The following RGN variants were observed in gnomAD, a reference collection of about 807,000 sequenced individuals.
The protein encoded by RGN is regucalcin, also known as epididymis secretory protein Li 41.
Under a neutral mutation model 20.6 loss-of-function variants are expected in RGN, and 19 were observed. That is an observed-to-expected ratio of 0.92 (90% CI 0.64 to 1.35). The LOEUF is 1.35. RGN is among the 40% of genes most tolerant of loss of function. The probability of loss-of-function intolerance (pLI) is 0.00; values close to 1 mark genes in which losing one functional copy is unlikely to be tolerated. For missense variants in RGN, 302 were observed against 232.7 expected, an observed-to-expected ratio of 1.30 and a Z score of -1.94; for synonymous variants, 85 against 87.2, an observed-to-expected ratio of 0.97 and a Z score of 0.14.
At chrX:47,079,086 A>G (rs1432912342) in intron 1 of RGN, among the ~76,000 whole-genome samples, 1 of 106,377 alleles carries the variant, frequency 9.4e-6, no homozygotes, top group African/African-American at 3.5e-5. Flanking sequence ...CAGCCTTCCT[A>G]GTAGCTAGGA....
chrX:47,085,885 A>G (rs1488976164), intron 4 of RGN, among the ~76,000 whole-genome samples: 2 of 111,958 alleles, frequency 1.8e-5, no homozygotes, highest in South Asian at 3.7e-4. Flanking sequence ...ATATTCTTAC[A>G]TGACCACAGT....
chrX:47,091,954 C>T, intron 6 of RGN, 107 bp from the exon 7 acceptor site: 4 of 958,554 alleles, frequency 4.2e-6, no homozygotes, highest in Non-Finnish European at 5.7e-6. Flanking sequence ...ATATTAAATG[C>T]ACAGATGAAT....
chrX:47,079,074 C>T (rs1304300999), intron 1 of RGN, among the ~76,000 whole-genome samples: 3 of 107,153 alleles, frequency 2.8e-5, no homozygotes, highest in Non-Finnish European at 5.8e-5. Flanking sequence ...ATTCTCCGGC[C>T]TCAGCCTTCC....
intron 1 of RGN, among the ~76,000 whole-genome samples, chrX:47,080,002 G>A (rs1178132947): frequency 9.0e-6 from 1 of 111,155 alleles, no homozygotes; most frequent in African/African-American, 3.3e-5. Context: ...TCCCACCTCA[G>A]GCTCCCGAGT....
chrX:47,089,648 C>T, intron 4 of RGN, 128 bp from the exon 5 acceptor site: 1 of 324,784 alleles, frequency 3.1e-6, no homozygotes, highest in Non-Finnish European at 5.2e-6. Context: ...TATATATGGC[C>T]CAGATTGGAA....
In RGN at chrX:47,085,217, AG is replaced by A. The variant is rs1282577097; in HGVS notation, c.346+618del. Reference sequence around the variant, plus strand: ...ATCAGAAATATTTTCAAATTTACAGAGAAAAATAAGAATAGTACAGGCCAGG... The same window carrying A: ...ATCAGAAATATTTTCAAATTTACAGAAAAAATAAGAATAGTACAGGCCAGG... On this transcript the variant is annotated intron_variant, in intron 4 of 7. Coordinates refer to ENST00000397180, the MANE Select transcript of RGN (RefSeq NM_152869.4). 5.4e-5 allele frequency among the ~76,000 whole-genome samples: 6 copies of A among 111,426 alleles called. No individual in the cohort carries two copies. The East Asian group carries it at 1.7e-3, about 31-fold the overall frequency.
chrX:47,085,631 C>CTT, intron 4 of RGN, among the ~76,000 whole-genome samples: 1 of 110,101 alleles, frequency 9.1e-6, no homozygotes, highest in Non-Finnish European at 1.9e-5. Flanking sequence ...ATCTAAACAT[C>CTT]TTTATCTCCA....
chrX:47,086,766 AG>A (rs1556384488), intron 4 of RGN, among the ~76,000 whole-genome samples: 1 of 106,821 alleles, frequency 9.4e-6, no homozygotes, highest in African/African-American at 3.4e-5. Context: ...AGAGAGAGAG[AG>A]AGAGAGAGAG....
In RGN at chrX:47,091,758, T is replaced by TG; in HGVS notation, c.646dup (p.Val216GlyfsTer28). Reference sequence around the variant, plus strand: ...GTGTATTGATGCTGAGGGGAAGCTCTGGGTGGCCTGTTACAATGGAGGAAG... The same window carrying TG: ...GTGTATTGATGCTGAGGGGAAGCTCTGGGGTGGCCTGTTACAATGGAGGAAG... On this transcript the variant is annotated frameshift_variant, in exon 6 of 8. Coordinates refer to ENST00000397180, the MANE Select transcript of RGN (RefSeq NM_152869.4). LOFTEE classifies it high-confidence loss of function. The TG allele has an allele frequency of 2.5e-6, 3 of 1,210,872 alleles. No individual in the cohort carries two copies. The highest frequency in any genetic ancestry group is 3.4e-6 in the Non-Finnish European group (3 of 894,854).
chrX:47,089,208 A>T (rs1355829806), intron 4 of RGN, among the ~76,000 whole-genome samples: 3 of 35,129 alleles, frequency 8.5e-5, no homozygotes, highest in African/African-American at 2.8e-4. Flanking sequence ...TGGCTGTGCC[A>T]TGTATTTTAT....
At chrX:47,090,920 GAAAGAAA>G in intron 5 of RGN, among the ~76,000 whole-genome samples, 1 of 7,748 alleles carries the variant, frequency 1.3e-4, no homozygotes, top group Admixed American at 9.8e-4. Context: ...AAGAAGGAAA[GAAAGAAA>G]GAAAGAAAGA....
intron 4 of RGN, among the ~76,000 whole-genome samples, chrX:47,088,783 A>G (rs1930724808): frequency 9.4e-6 from 1 of 106,523 alleles, no homozygotes; most frequent in African/African-American, 3.4e-5. Context: ...AAAATAAAAC[A>G]AATGAGCCAG....
At position 47,090,943 on chromosome X, in the gene RGN, A is replaced by AGAAG. The variant is rs1569540744; in HGVS notation, c.563-732_563-731insGGAA. Among the ~76,000 whole-genome samples the AGAAG allele has an allele frequency of 2.1e-4, 14 of 68,077 alleles. No homozygotes were observed. The South Asian group carries it at 3.0e-3, about 15-fold the overall frequency. The allele number at this position is 68,077 out of a possible 115,157, so 59.1% of individuals were successfully genotyped here. A position where few individuals can be genotyped will look rare whatever the true frequency, so the allele number is the denominator to read the frequency against. On this transcript the variant is annotated intron_variant, in intron 5 of 7. Transcript: ENST00000397180. ...AAGAAAGAAAGAAAGAAAGAAAGAA[A>AGAAG]GAAAGAAAGAAAGAAAGAAAGAAAG... is the stretch of plus-strand genomic sequence containing the variant.
chrX:47,084,636 C>G (rs782438216), intron 4 of RGN, 36 bp downstream of exon 4: 254 of 1,099,378 alleles, frequency 2.3e-4, no homozygotes, highest in Non-Finnish European at 3.0e-4. Context: ...ATTACTGAGC[C>G]TTGGAGGAAA....
chrX:47,091,809 G>T lies in RGN; in HGVS notation c.694G>T (p.Gly232Trp). Residue 232 changes from glycine (G) to tryptophan (W), a missense_variant and splice_region_variant, in exon 6 of 8, where the codon GGG becomes TGG. Transcript: ENST00000397180. Reference protein sequence around the residue: ...GRVIRLDPVTGKRLQTVKLPV... With the variant: ...GRVIRLDPVTWKRLQTVKLPV... ...AGTGATTCGTTTAGATCCTGTGACAGGTAGGCCTGCAGCAAAATGAAAAAT... is the reference window on the plus strand; with the variant it reads ...AGTGATTCGTTTAGATCCTGTGACATGTAGGCCTGCAGCAAAATGAAAAAT... 8.3e-7 allele frequency: 1 copy of T among 1,204,899 alleles called. No homozygotes were observed. Among genetic ancestry groups the T allele is most frequent in the South Asian group, 1.8e-5 (1 of 55,230 alleles).
chrX:47,081,766 C>G (rs1930335744), intron 3 of RGN, among the ~76,000 whole-genome samples: 1 of 111,215 alleles, frequency 9.0e-6, no homozygotes, highest in African/African-American at 3.3e-5. Context: ...AGGCTAGTCT[C>G]AAACTCCTGG....
At chrX:47,084,079 C>G (rs1169350981) in intron 3 of RGN, among the ~76,000 whole-genome samples, 2 of 110,988 alleles carry the variant, frequency 1.8e-5, no homozygotes, top group African/African-American at 6.6e-5. Context: ...CCTGGTGCCC[C>G]TAGATTAGAA....
chrX:47,092,785 TAAAAC>T, intron 7 of RGN, 107 bp from the exon 8 acceptor site: 1 of 606,369 alleles, frequency 1.6e-6, no homozygotes, highest in African/African-American at 2.2e-5. Context: ...TGATAGGAGA[TAAAAC>T]AAAGATAATA....
At chrX:47,081,839 G>A (rs1407493782) in intron 3 of RGN, among the ~76,000 whole-genome samples, 5 of 112,244 alleles carry the variant, frequency 4.5e-5, no homozygotes, top group African/African-American at 1.3e-4. Context: ...GAGCTACCAC[G>A]CCCAGCCCAT....
Sources: allele counts gnomAD v4.1 joint callset (sites outside exome capture counted in the v4.1 genomes callset), GRCh38; gene constraint gnomAD v4.1.1; transcripts MANE v1.5; gene names NCBI Gene and HGNC (gene_info 2026-07-23, HGNC 2026-07-21).